Variants in NEK1 observed in about 807,000 individuals in gnomAD.
NEK1 encodes serine/threonine-protein kinase Nek1.
In NEK1, 137 loss-of-function variants were observed where a neutral mutation model predicts 182.1. That is an observed-to-expected ratio of 0.75 (90% confidence interval 0.65 to 0.87). NEK1 has a LOEUF of 0.87. NEK1 is among the 40% of genes least tolerant of loss of function. The pLI is 0.00. For missense variants in NEK1, 1,391 were observed against 1,494.4 expected (o/e 0.93, Z 1.14); for synonymous variants, 513 against 492.2 (o/e 1.04, Z -0.56).
At chr4:169,559,427 ATAC>A (rs1561412724) in intron 16 of NEK1, among the ~76,000 whole-genome samples, 1 of 152,222 alleles carries the variant, frequency 6.6e-6, no homozygotes, top group African/African-American at 2.4e-5. Context: ...AGATAAAATT[ATAC>A]TACTAAAAAC....
chr4:169,561,544 A>G lies in NEK1; in HGVS notation c.1202T>C (p.Ile401Thr). ...CCATCCTTGTTCCCTGGCCCTATTT[A>G]TTCTTTCCAACTTTGGGGAAAAGAA... The part of the protein sequence containing the change: ...KRQEKERLER[I>T]NRAREQGWRN... The change falls in exon 16 of 36, where the codon ATA (isoleucine) becomes ACA (threonine). Residue 401 changes from isoleucine to threonine, a missense_variant. By Grantham distance (89) the Ile-to-Thr change is moderately conservative (BLOSUM62 -1). This residue lies in a region of NEK1 where 1,216 missense variants were observed against 1,277.6 expected (regional missense o/e 0.95). Transcript: ENST00000507142. 6.2e-7 allele frequency: 1 copy of G among 1,613,254 alleles called. No individual in the cohort carries two copies. Among genetic ancestry groups the G allele is most frequent in the South Asian group, 1.1e-5 (1 of 90,906 alleles).
At chr4:169,558,965 C>T (rs1284064556) in intron 16 of NEK1, among the ~76,000 whole-genome samples, 1 of 152,062 alleles carries the variant, frequency 6.6e-6, no homozygotes, top group African/African-American at 2.4e-5. Context: ...ATGTAGAAAT[C>T]AAACAGCCTA....
chr4:169,605,362 T>C (rs139680653), intron 2 of NEK1, among the ~76,000 whole-genome samples: 3 of 152,306 alleles, frequency 2.0e-5, no homozygotes, highest in Non-Finnish European at 4.4e-5. Flanking sequence ...CCATCAAATA[T>C]GTCAAATGCA....
In NEK1 at chr4:169,460,681, T is replaced by C. The variant is rs1743806541; in HGVS notation, c.2587+2562A>G. Among the ~76,000 whole-genome samples, 3 of 152,086 alleles carry C rather than the reference T, an allele frequency of 2.0e-5. No homozygotes were observed. In the South Asian group the frequency reaches 6.2e-4, roughly 32 times the overall value. On this transcript the variant is annotated intron_variant, in intron 27 of 35. Transcript: ENST00000507142. ...ATTGGACTTTAAGTAAAAAGAAAGATATACTCTGAGCATCCAAGCAAAAAG... is the reference window on the plus strand; with the variant it reads ...ATTGGACTTTAAGTAAAAAGAAAGACATACTCTGAGCATCCAAGCAAAAAG...
chr4:169,462,969 T>C (rs1291977629), intron 27 of NEK1, among the ~76,000 whole-genome samples: 1 of 152,046 alleles, frequency 6.6e-6, no homozygotes, highest in African/African-American at 2.4e-5. Context: ...CCTATATCTG[T>C]TTTCATGTAA....
intron 24 of NEK1, among the ~76,000 whole-genome samples, chr4:169,478,757 C>T (rs187034092): frequency 1.9e-4 from 29 of 152,260 alleles, no homozygotes; most frequent in Admixed American, 4.6e-4. Flanking sequence ...CTCCTCCTGT[C>T]TGTTGAATTC....
rs992035377 is a variant in NEK1, at chr4:169,507,132, C to T, written c.1912G>A (p.Ala638Thr). The T allele has an allele frequency of 1.3e-6, 2 of 1,572,012 alleles. No individual in the cohort carries two copies. Among genetic ancestry groups the T allele is most frequent in the Admixed American group, 3.6e-5 (2 of 55,348 alleles). Residue 638 changes from alanine to threonine, a missense_variant and splice_region_variant, in exon 23 of 36, where the codon GCC (alanine) becomes ACC (threonine). Coordinates refer to ENST00000507142, the MANE Select transcript of NEK1 (RefSeq NM_001199397.3). ...MRRKKIESLK[A>T]HANARAAVLK... ...ACAGCAGCACGTGCATTTGCATGGG[C>T]CTAAAAATAAAAACAATTAACAAAA...
intron 34 of NEK1, 56 bp from the exon 35 acceptor site, chr4:169,400,413 A>G (rs1318008869): frequency 7.0e-7 from 1 of 1,438,344 alleles, no homozygotes; most frequent in Non-Finnish European, 9.3e-7. Context: ...GTAATTGCAG[A>G]CTTCACTTTT....
chr4:169,481,377 C>T lies in NEK1; in HGVS notation c.2008-1843G>A, dbSNP rs115086764. ...GGCTTTCAATTTACTTTGCCCAGATCCATTAGAGGAACCATTATCTATGGC... is the reference window on the plus strand; with the variant it reads ...GGCTTTCAATTTACTTTGCCCAGATTCATTAGAGGAACCATTATCTATGGC... On this transcript the variant is annotated intron_variant, in intron 23 of 35. Transcript: ENST00000507142. Among the ~76,000 whole-genome samples, 949 of 152,256 alleles carry T rather than the reference C, an allele frequency of 6.2e-3. 10 individuals are homozygous for T. Among genetic ancestry groups the T allele is most frequent in the African/African-American group, 0.022 (911 of 41,534 alleles).
chr4:169,467,076 C>CTTAA (rs2149514087), intron 26 of NEK1, among the ~76,000 whole-genome samples: 1 of 152,216 alleles, frequency 6.6e-6, no homozygotes, highest in Non-Finnish European at 1.5e-5. Flanking sequence ...TCCATTTCCA[C>CTTAA]TTAATAGTAA....
intron 5 of NEK1, 74 bp from the exon 6 acceptor site, chr4:169,590,883 G>A: frequency 1.1e-6 from 1 of 949,514 alleles, no homozygotes; most frequent in Non-Finnish European, 1.6e-6. Flanking sequence ...AGGGATGAGA[G>A]GAACTAAATC....
chr4:169,483,732 G>C (rs1748524914), intron 23 of NEK1, among the ~76,000 whole-genome samples: 1 of 151,938 alleles, frequency 6.6e-6, no homozygotes, highest in South Asian at 2.1e-4. Flanking sequence ...CGGGCATGGT[G>C]GTGTACACCT....
At chr4:169,602,225 C>G (rs1308830671) in intron 3 of NEK1, 121 bp from the exon 4 acceptor site, 1 of 706,082 alleles carries the variant, frequency 1.4e-6, no homozygotes, top group Non-Finnish European at 2.4e-6. Flanking sequence ...CAAAATATAG[C>G]AAGAAGTTAA....
chr4:169,507,998 A>C (rs573629868), intron 21 of NEK1, among the ~76,000 whole-genome samples: 7 of 152,344 alleles, frequency 4.6e-5, no homozygotes, highest in Admixed American at 1.3e-4. Flanking sequence ...ATAATGATAT[A>C]AAATGCATTT....
chr4:169,444,430 C>T (rs1350235350), intron 27 of NEK1, among the ~76,000 whole-genome samples: 1 of 151,442 alleles, frequency 6.6e-6, no homozygotes, highest in Non-Finnish European at 1.5e-5. Flanking sequence ...ATATTCCATG[C>T]AAATGGAAAC....
chr4:169,603,045 C>T (rs893969210), intron 2 of NEK1, among the ~76,000 whole-genome samples: 6 of 152,176 alleles, frequency 3.9e-5, no homozygotes, highest in African/African-American at 1.4e-4. Context: ...TAACTAATCC[C>T]CTCTTATTCA....
intron 18 of NEK1, among the ~76,000 whole-genome samples, chr4:169,540,556 C>G (rs1042254840): frequency 1.3e-5 from 2 of 152,074 alleles, no homozygotes; most frequent in Non-Finnish European, 2.9e-5. Flanking sequence ...CAGTTTACTT[C>G]TTGATAGTAA....
rs553365185 is a variant in NEK1 at position 169,395,590 on chromosome 4, T to C, written c.3848-1067A>G. The stretch of plus-strand genomic sequence containing the variant: ...TTATAACTTACATACATTTTATTGC[T>C]TCCAAGGTAACACTTATCACTGGAC... On this transcript the variant is annotated intron_variant, in intron 35 of 35. Transcript: ENST00000507142. Among the ~76,000 whole-genome samples, 6 of 152,338 alleles carry C rather than the reference T, an allele frequency of 3.9e-5. No individual in the cohort carries two copies. The East Asian group carries it at 5.8e-4, about 15-fold the overall frequency.
At chr4:169,437,296 C>G (rs887333506) in intron 28 of NEK1, among the ~76,000 whole-genome samples, 6 of 152,264 alleles carry the variant, frequency 3.9e-5, no homozygotes, top group African/African-American at 1.4e-4. Context: ...GAAAACCCAT[C>G]TGCACGGCCT....
Sources: allele counts gnomAD v4.1 joint callset (sites outside exome capture counted in the v4.1 genomes callset), GRCh38; gene constraint gnomAD v4.1.1; regional missense constraint gnomAD v4.1.1; transcripts MANE v1.5; gene names NCBI Gene and HGNC (gene_info 2026-07-23, HGNC 2026-07-21).